Variants in TPTE observed in about 807,000 individuals in gnomAD.
TPTE encodes the protein putative tyrosine-protein phosphatase TPTE.
Under a neutral mutation model 84.1 loss-of-function variants are expected in TPTE, and 59 were observed. The ratio of observed to expected loss-of-function variants is 0.70; its 90% CI spans 0.57 to 0.87. The LOEUF (loss-of-function observed/expected upper bound fraction) is 0.87. Ranked by LOEUF, TPTE falls within the 40% of genes least tolerant of loss-of-function variation. The pLI is 0.00. For synonymous variants in TPTE, 130 were observed against 223.5 expected (o/e 0.58, Z 3.73); for missense variants, 382 against 659.6 (o/e 0.58, Z 4.61).
At chr21:10,543,456 C>T in intron 7 of TPTE, 74 bp downstream of exon 7, 2 of 1,607,536 alleles carry the variant, frequency 1.2e-6, no homozygotes, top group Non-Finnish European at 1.7e-6. Flanking sequence ...AGCACATACA[C>T]AAATATATCC....
intron 2 of TPTE, among the ~76,000 whole-genome samples, chr21:10,526,088 A>C (rs1003574906): frequency 6.6e-6 from 1 of 152,308 alleles, no homozygotes; most frequent in Non-Finnish European, 1.5e-5. Flanking sequence ...TATTCTGCAT[A>C]GACAATCCAA....
At chr21:10,576,336 C>A (rs1483378591) in intron 14 of TPTE, 149 of 241,364 alleles carry the variant, frequency 6.2e-4, no homozygotes, top group Middle Eastern at 1.4e-3. Context: ...CAGAAGTGTG[C>A]CCAGTGCCAC....
intron 7 of TPTE, among the ~76,000 whole-genome samples, chr21:10,543,933 CAT>C (rs1251162530): frequency 6.6e-6 from 1 of 152,310 alleles, no homozygotes; most frequent in African/African-American, 2.4e-5. Context: ...GCTCTGTCCA[CAT>C]GTGAGGTTGG....
chr21:10,576,044 A>G (rs1255748054), intron 14 of TPTE, among the ~76,000 whole-genome samples: 9 of 152,306 alleles, frequency 5.9e-5, no homozygotes, highest in Non-Finnish European at 1.3e-4. Context: ...AGAGGCAGAA[A>G]TACCATCAGA....
At chr21:10,548,802 C>A (rs1447303098) in intron 7 of TPTE, among the ~76,000 whole-genome samples, 3 of 152,308 alleles carry the variant, frequency 2.0e-5, no homozygotes, top group African/African-American at 7.2e-5. Context: ...CCCTTCAGGC[C>A]ACTCCTGGAG....
At chr21:10,558,625 T>G (rs1162833272) in intron 8 of TPTE, among the ~76,000 whole-genome samples, 1 of 152,304 alleles carries the variant, frequency 6.6e-6, no homozygotes, top group Non-Finnish European at 1.5e-5. Flanking sequence ...CTCTTTGTTC[T>G]CCCGTCTTAG....
chr21:10,533,262 G>T (rs1425992376), intron 3 of TPTE, among the ~76,000 whole-genome samples: 1 of 152,304 alleles, frequency 6.6e-6, no homozygotes, highest in African/African-American at 2.4e-5. Context: ...TTTTTTGACA[G>T]TCATACTTTT....
At chr21:10,574,423 T>C (rs2075110038) in intron 14 of TPTE, among the ~76,000 whole-genome samples, 1 of 152,310 alleles carries the variant, frequency 6.6e-6, no homozygotes, top group Non-Finnish European at 1.5e-5. Flanking sequence ...ACGGATTATT[T>C]TATCAAGAAA....
intron 4 of TPTE, 40 bp from the exon 5 acceptor site, chr21:10,541,072 T>G (rs762011387): frequency 5.6e-6 from 9 of 1,611,606 alleles, no homozygotes; most frequent in Non-Finnish European, 8.5e-7. Context: ...AACATTAGAA[T>G]TACGCATTGG....
intron 8 of TPTE, among the ~76,000 whole-genome samples, chr21:10,556,041 C>CTT (rs200209980): frequency 1.3e-5 from 2 of 151,886 alleles, no homozygotes; most frequent in African/African-American, 4.8e-5. Context: ...TCACCTGCTA[C>CTT]TTTTTTTTAT....
intron 10 of TPTE, among the ~76,000 whole-genome samples, chr21:10,562,067 G>C (rs1198797900): frequency 1.3e-5 from 2 of 152,306 alleles, no homozygotes; most frequent in East Asian, 3.8e-4. Flanking sequence ...TTGGGAGAAA[G>C]TAAGGGAAGA....
intron 17 of TPTE, among the ~76,000 whole-genome samples, chr21:10,588,904 G>T (rs1334627545): frequency 6.6e-6 from 1 of 152,294 alleles, no homozygotes; most frequent in Non-Finnish European, 1.5e-5. Flanking sequence ...TTCATTTCCC[G>T]GATTGATGTA....
chr21:10,571,380 T>G (rs2145710075), intron 14 of TPTE, among the ~76,000 whole-genome samples: 1 of 152,424 alleles, frequency 6.6e-6, no homozygotes, highest in African/African-American at 2.4e-5. Context: ...CTGTGAAAGC[T>G]CCCTAACATT....
Position 10,522,473 on chromosome 21 carries a change from G to C in TPTE, c.-211+779G>C, listed in dbSNP as rs1239468439. On this transcript the variant is annotated intron_variant, in intron 1 of 23. Transcript: ENST00000618007. ...GCGCGGGCGGAGGGGGGACGTCGGC[G>C]TAGGGTCCCCAGCGATGCCCCGGGA... Among the ~76,000 whole-genome samples, 3 of 152,426 alleles carry C rather than the reference G, an allele frequency of 2.0e-5. No homozygotes were observed. The East Asian group carries it at 5.8e-4, about 29-fold the overall frequency.
At chr21:10,598,832 T>C (rs1178787824) in intron 21 of TPTE, among the ~76,000 whole-genome samples, 1 of 152,310 alleles carries the variant, frequency 6.6e-6, no homozygotes, top group Non-Finnish European at 1.5e-5. Flanking sequence ...AATTCTCCTA[T>C]TACTAACCCT....
Position 10,567,752 on chromosome 21 carries a change from AT to A in TPTE, c.537del (p.Phe179LeufsTer25), listed in dbSNP as rs377457864. The A allele has an allele frequency of 2.5e-5, 41 of 1,612,446 alleles. No homozygotes were observed. The highest frequency in any genetic ancestry group is 2.3e-4 in the African/African-American group (17 of 74,886). Reference sequence around the variant, plus strand: ...TCTTCTGCTGGTTGATGTCGTTTACATTTTTTTTGACATTAAGTTGCTTAGG... The same window carrying A: ...TCTTCTGCTGGTTGATGTCGTTTACATTTTTTTGACATTAAGTTGCTTAGG... Reference protein sequence around the residue: ...VILLLVDVVYIFFDIKLLRNI... With the variant: ...VILLLVDVVYXFFDIKLLRNI... On this transcript the variant is annotated frameshift_variant, in exon 11 of 24. Transcript: ENST00000618007. LOFTEE classifies it high-confidence loss of function.
chr21:10,539,353 G>T (rs1470386520), intron 4 of TPTE, among the ~76,000 whole-genome samples: 2 of 152,312 alleles, frequency 1.3e-5, no homozygotes, highest in Admixed American at 1.3e-4. Flanking sequence ...CCACCTCATT[G>T]GATGCAGCCG....
intron 6 of TPTE, 139 bp downstream of exon 6, chr21:10,542,587 CCATT>C (rs1175745722): frequency 6.6e-5 from 79 of 1,188,140 alleles, no homozygotes; most frequent in Non-Finnish European, 7.8e-5. Flanking sequence ...ATCCATCCAT[CCATT>C]CATCCATCCA....
intron 1 of TPTE, among the ~76,000 whole-genome samples, chr21:10,523,950 C>T (rs1291860639): frequency 6.6e-6 from 1 of 152,312 alleles, no homozygotes; most frequent in Non-Finnish European, 1.5e-5. Flanking sequence ...CACATCCTCT[C>T]CAGCACCTGT....
Sources: allele counts gnomAD v4.1 joint callset (sites outside exome capture counted in the v4.1 genomes callset), GRCh38; gene constraint gnomAD v4.1.1; transcripts MANE v1.5; gene names NCBI Gene and HGNC (gene_info 2026-07-23, HGNC 2026-07-21).